The following GSK3B variants were observed in gnomAD, a reference collection of about 807,000 sequenced individuals.
The protein encoded by GSK3B is glycogen synthase kinase-3 beta.
Under a neutral mutation model 56.4 loss-of-function variants are expected in GSK3B, and 15 were observed. The observed-to-expected ratio is 0.27, with a 90% CI of 0.18 to 0.41. The LOEUF (loss-of-function observed/expected upper bound fraction) is 0.41. Among genes scored for constraint, GSK3B ranks in the 10% least tolerant of loss-of-function variants. GSK3B has a pLI of 1.00. For missense variants in GSK3B, 300 were observed against 513.4 expected (o/e 0.58, Z 4.02); for synonymous variants, 181 against 188.9 (o/e 0.96, Z 0.34).
At chr3:119,916,252 C>A (rs2056779390) in intron 4 of GSK3B, 78 bp from the exon 5 acceptor site, 10 of 1,230,876 alleles carry the variant, frequency 8.1e-6, no homozygotes, top group Non-Finnish European at 2.3e-6. Context: ...AATAAAGTAA[C>A]AGATTCTCAG....
intron 7 of GSK3B, among the ~76,000 whole-genome samples, chr3:119,881,613 A>C (rs2056380130): frequency 6.6e-6 from 1 of 152,242 alleles, no homozygotes; most frequent in Non-Finnish European, 1.5e-5. Context: ...TGTGATGTCC[A>C]TTAGTAAATG....
chr3:119,903,805 T>G (rs1014545076), intron 7 of GSK3B, among the ~76,000 whole-genome samples: 1 of 151,984 alleles, frequency 6.6e-6, no homozygotes, highest in Admixed American at 6.6e-5. Context: ...ATATGACAAA[T>G]AGAATAGCTA....
At chr3:119,829,064 AG>A (rs1422301646) in intron 10 of GSK3B, among the ~76,000 whole-genome samples, 4 of 152,232 alleles carry the variant, frequency 2.6e-5, no homozygotes, top group African/African-American at 9.6e-5. Context: ...ACAATCACTG[AG>A]GAACTATGCT....
At position 120,093,456 on chromosome 3, in the gene GSK3B, C is replaced by A; in HGVS notation, c.-22G>T. The A allele has an allele frequency of 6.8e-7, 1 of 1,469,700 alleles. No homozygotes were observed. The highest frequency in any genetic ancestry group is 9.5e-7 in the Non-Finnish European group (1 of 1,049,084). The allele number at this position is 1,469,700 out of a possible 1,614,324, so 91.0% of individuals were successfully genotyped here. A position where few individuals can be genotyped will look rare whatever the true frequency, so the allele number is the denominator to read the frequency against. On this transcript the variant is annotated 5_prime_UTR_variant, in exon 1 of 11. Transcript: ENST00000264235. ...ACATGATCACTCTCTTCGCGAATCA[C>A]CTTTTCCTTCCTTCCTCCTTTTCTT... is the stretch of plus-strand genomic sequence containing the variant.
At chr3:120,063,430 AC>A (rs35726567) in intron 1 of GSK3B, among the ~76,000 whole-genome samples, 4,054 of 152,284 alleles carry the variant, frequency 0.027, 89 homozygotes, top group Non-Finnish European at 0.039. Context: ...CTGTTTACAT[AC>A]AAAAATCAGT....
intron 2 of GSK3B, among the ~76,000 whole-genome samples, chr3:119,996,624 G>T (rs1249538010): frequency 6.6e-5 from 10 of 151,392 alleles, no homozygotes; most frequent in Non-Finnish European, 1.5e-4. Context: ...AAAAGAAAGG[G>T]TCTCACTGTT....
At chr3:119,937,339 C>T (rs543651433) in intron 3 of GSK3B, among the ~76,000 whole-genome samples, 18 of 152,164 alleles carry the variant, frequency 1.2e-4, no homozygotes, top group Admixed American at 5.9e-4. Context: ...AGTTCCCTCC[C>T]ACTACAACTG....
intron 4 of GSK3B, among the ~76,000 whole-genome samples, chr3:119,922,198 T>G (rs1363237282): frequency 0.021 from 1,902 of 90,560 alleles, 74 homozygotes; most frequent in African/African-American, 0.089. Flanking sequence ...GGTAGGTAGG[T>G]AGGGAAGGAG....
chr3:119,933,679 C>CA (rs780508643), intron 3 of GSK3B, among the ~76,000 whole-genome samples: 2 of 151,918 alleles, frequency 1.3e-5, no homozygotes, highest in Non-Finnish European at 2.9e-5. Context: ...GAGTTCGAGC[C>CA]AAGCCTGGCC....
At chr3:119,940,659 CCTT>C (rs2057039398) in intron 3 of GSK3B, among the ~76,000 whole-genome samples, 1 of 152,058 alleles carries the variant, frequency 6.6e-6, no homozygotes, top group Non-Finnish European at 1.5e-5. Context: ...AATTATATCT[CCTT>C]GGCTCTTGGG....
chr3:119,965,034 TTTTC>T (rs1273296947), intron 2 of GSK3B, among the ~76,000 whole-genome samples: 1 of 131,402 alleles, frequency 7.6e-6, no homozygotes, highest in Non-Finnish European at 1.5e-5. Flanking sequence ...TAATATTATG[TTTTC>T]TTTTTTTTTT....
At position 119,915,496 on chromosome 3, in the gene GSK3B, G is replaced by A. The variant is rs149953672; in HGVS notation, c.608+548C>T. On this transcript the variant is annotated intron_variant, in intron 5 of 10. Transcript: ENST00000264235. ...CAGGCAATCAAATATTATGGATTAC[G>A]TACCATTTCAGAAATAAGCCACACA... Among the ~76,000 whole-genome samples the A allele has an allele frequency of 4.3e-3, 650 of 151,990 alleles. 1 individual carries two copies. Among genetic ancestry groups the A allele is most frequent in the African/African-American group, 0.015 (610 of 41,464 alleles).
intron 1 of GSK3B, chr3:120,029,714 T>C (rs969668828): frequency 7.5e-6 from 4 of 534,980 alleles, no homozygotes; most frequent in Non-Finnish European, 1.5e-5. Flanking sequence ...GATGGAAATT[T>C]TTTTATCATG....
In GSK3B at chr3:120,094,375, A is replaced by G; in HGVS notation, c.-941T>C. The G allele has an allele frequency of 6.9e-6, 2 of 291,468 alleles. No individual in the cohort carries two copies. The highest frequency in any genetic ancestry group is 6.3e-6 in the Non-Finnish European group (1 of 157,486). The allele number at this position is 291,468 out of a possible 1,614,324, so 18.1% of individuals were successfully genotyped here. Reference sequence around the variant, plus strand: ...TCCTCGCTTCCTTCCTTCCTTTGTCACTTGGCCCGGGCGGCGGCGGCGGCG... The same window carrying G: ...TCCTCGCTTCCTTCCTTCCTTTGTCGCTTGGCCCGGGCGGCGGCGGCGGCG... On this transcript the variant is annotated 5_prime_UTR_variant, in exon 1 of 11. It removes the in-frame stop codon of an upstream open reading frame in the 5' UTR. Coordinates refer to ENST00000264235, the MANE Select transcript of GSK3B (RefSeq NM_001146156.2).
chr3:119,911,906 A>G (rs1377162754), intron 6 of GSK3B, among the ~76,000 whole-genome samples: 1 of 152,150 alleles, frequency 6.6e-6, no homozygotes, highest in Non-Finnish European at 1.5e-5. Context: ...TATCCAAACC[A>G]CTAAAACTTT....
intron 8 of GSK3B, among the ~76,000 whole-genome samples, chr3:119,865,130 G>A (rs1392060179): frequency 1.3e-5 from 2 of 151,878 alleles, no homozygotes; most frequent in Non-Finnish European, 2.9e-5. Flanking sequence ...AATAATCAGT[G>A]GGAAAACTCA....
At position 119,826,856 on chromosome 3, in the gene GSK3B, C is replaced by G. The variant is rs1309366195; in HGVS notation, c.1196-1G>C. ...TGTCCACGGTCTCCAGTATTAGCAT[C>G]TGCAAGTCAAAAAGTCCCAAGAGAG... On this transcript the variant is annotated splice_acceptor_variant, in intron 10 of 10. Transcript: ENST00000264235. LOFTEE classifies it high-confidence loss of function. The G allele has an allele frequency of 6.2e-7, 1 of 1,602,710 alleles. No individual in the cohort carries two copies. The highest frequency in any genetic ancestry group is 1.7e-5 in the Admixed American group (1 of 59,760).
chr3:119,833,834 A>C (rs971534326), intron 10 of GSK3B, among the ~76,000 whole-genome samples: 3 of 151,592 alleles, frequency 2.0e-5, no homozygotes. Flanking sequence ...GGGATTAAAC[A>C]GGCACGCACC....
intron 1 of GSK3B, among the ~76,000 whole-genome samples, chr3:120,019,230 T>C (rs1187573653): frequency 1.3e-5 from 2 of 152,160 alleles, no homozygotes; most frequent in African/African-American, 2.4e-5. Context: ...TTAAATATTT[T>C]TGGTGAGCTG....
Sources: gnomAD v4.1 joint callset for allele counts (sites outside exome capture counted in the v4.1 genomes callset) on GRCh38, gnomAD v4.1.1 for gene constraint, MANE v1.5 for transcripts, NCBI Gene and HGNC (gene_info 2026-07-23, HGNC 2026-07-21) for gene names.